BCKDHA: variants seen among roughly 807,000 people sequenced by gnomAD.
BCKDHA encodes the protein branched chain keto acid dehydrogenase E1 subunit alpha, also known as 2-oxoisovalerate dehydrogenase subunit alpha, mitochondrial.
BCKDHA carries 43 observed loss-of-function variants against 52.2 expected under a neutral mutation model. That is an observed-to-expected ratio of 0.82 (90% CI 0.64 to 1.06). The LOEUF is 1.06. BCKDHA is among the 50% of genes least tolerant of loss of function. The pLI is 0.00. For missense variants in BCKDHA, 527 were observed against 621.3 expected (o/e 0.85, Z 1.61); for synonymous variants, 234 against 247.9 (o/e 0.94, Z 0.53).
At chr19:41,421,458 G>GT (rs869210134) in intron 5 of BCKDHA, among the ~76,000 whole-genome samples, 15 of 20,164 alleles carry the variant, frequency 7.4e-4, no homozygotes, top group Admixed American at 2.9e-3. Context: ...GAGGATGTGA[G>GT]GGGGGAGCTG....
At chr19:41,405,086 G>T (rs998032800) in intron 1 of BCKDHA, among the ~76,000 whole-genome samples, 20 of 152,112 alleles carry the variant, frequency 1.3e-4, no homozygotes, top group African/African-American at 4.8e-4. Flanking sequence ...TGGAGCAAAT[G>T]TTCAGTATCT....
Position 41,411,018 on chromosome 19 carries a change from G to C in BCKDHA, c.375+9G>C. The C allele has an allele frequency of 6.2e-7, 1 of 1,613,872 alleles. No individual in the cohort carries two copies. Among genetic ancestry groups the C allele is most frequent in the East Asian group, 2.2e-5 (1 of 44,880 alleles). On this transcript the variant is annotated intron_variant, in intron 3 of 8. Coordinates refer to ENST00000269980, the MANE Select transcript of BCKDHA (RefSeq NM_000709.4). ...ATGAGTCTCAGCGGCAGGTGCGTGGGGACAGGACTAGGGGCGGGGGGCTGG... is the reference window on the plus strand; with the variant it reads ...ATGAGTCTCAGCGGCAGGTGCGTGGCGACAGGACTAGGGGCGGGGGGCTGG...
chr19:41,414,791 G>C (rs2039291609), intron 4 of BCKDHA, among the ~76,000 whole-genome samples: 1 of 152,172 alleles, frequency 6.6e-6, no homozygotes, highest in South Asian at 2.1e-4. Flanking sequence ...CAGGGAGCTT[G>C]TTGGTGTGGG....
At chr19:41,419,499 T>C (rs546844908) in intron 5 of BCKDHA, among the ~76,000 whole-genome samples, 1 of 152,322 alleles carries the variant, frequency 6.6e-6, no homozygotes, top group Non-Finnish European at 1.5e-5. Context: ...TAGAGTGCAG[T>C]GGTGCTATCG....
At chr19:41,412,535 C>T (rs1213136272) in intron 3 of BCKDHA, among the ~76,000 whole-genome samples, 1 of 151,332 alleles carries the variant, frequency 6.6e-6, no homozygotes, top group African/African-American at 2.4e-5. Context: ...TGCGCCACCA[C>T]ACCTGGCTAA....
At chr19:41,418,330 G>C (rs1407729640) in intron 4 of BCKDHA, among the ~76,000 whole-genome samples, 1 of 152,084 alleles carries the variant, frequency 6.6e-6, no homozygotes, top group Non-Finnish European at 1.5e-5. Flanking sequence ...GCTTGTCTGA[G>C]GGCAATCACA....
intron 1 of BCKDHA, chr19:41,399,928 G>A (rs1371596203): frequency 6.6e-6 from 1 of 152,152 alleles, no homozygotes; most frequent in Non-Finnish European, 1.5e-5. Flanking sequence ...TGGGATTACA[G>A]GCATGCACTA....
At chr19:41,422,592 A>G in intron 6 of BCKDHA, 37 bp from the exon 7 acceptor site, 1 of 1,612,778 alleles carries the variant, frequency 6.2e-7, no homozygotes, top group Non-Finnish European at 8.5e-7. Context: ...TCCTTATCTC[A>G]GCCCTGGCCT....
intron 3 of BCKDHA, among the ~76,000 whole-genome samples, chr19:41,412,123 G>A (rs2039260386): frequency 6.6e-6 from 1 of 152,140 alleles, no homozygotes; most frequent in Admixed American, 6.6e-5. Context: ...GGGCTGCCCA[G>A]AGCCCCAGCC....
At chr19:41,408,495 C>T (rs1221296117) in intron 1 of BCKDHA, among the ~76,000 whole-genome samples, 10 of 152,144 alleles carry the variant, frequency 6.6e-5, no homozygotes, top group Admixed American at 2.0e-4. Flanking sequence ...AGCTAAGAGT[C>T]CCAGTGGGTT....
intron 1 of BCKDHA, among the ~76,000 whole-genome samples, chr19:41,408,597 C>G (rs2039218936): frequency 6.6e-6 from 1 of 151,876 alleles, no homozygotes. Context: ...GATGTCCTTG[C>G]AGGACTCCTC....
chr19:41,412,471 C>T (rs1185746026), intron 3 of BCKDHA, among the ~76,000 whole-genome samples: 1 of 145,728 alleles, frequency 6.9e-6, no homozygotes, highest in Non-Finnish European at 1.5e-5. Context: ...CACCGCCTCC[C>T]TGGTTCAAGC....
intron 4 of BCKDHA, among the ~76,000 whole-genome samples, chr19:41,414,961 C>G (rs1441952988): frequency 6.6e-6 from 1 of 152,122 alleles, no homozygotes; most frequent in African/African-American, 2.4e-5. Flanking sequence ...CCCAAGACAG[C>G]TGTTGAGGGC....
In BCKDHA at chr19:41,424,504, G is replaced by A. The variant is rs398123490; in HGVS notation, c.1234G>A (p.Val412Met). ...CAACCCCAACCTACTCTTCTCAGACGTGTATCAGGAGATGCCCGCCCAGCT... is the reference window on the plus strand; with the variant it reads ...CAACCCCAACCTACTCTTCTCAGACATGTATCAGGAGATGCCCGCCCAGCT... ...KPNPNLLFSD[V>M]YQEMPAQLRK... Residue 412 changes from valine (V) to methionine (M), a missense_variant, in exon 9 of 9, where the codon GTG becomes ATG. Physicochemically the swap from Val to Met is conservative, Grantham distance 21 (BLOSUM62 1). Coordinates refer to ENST00000269980, the MANE Select transcript of BCKDHA (RefSeq NM_000709.4). 3.1e-6 allele frequency: 5 copies of A among 1,614,008 alleles called. No homozygotes were observed. The highest frequency in any genetic ancestry group is 1.1e-5 in the South Asian group (1 of 91,084).
chr19:41,399,637 GTTCT>G (rs1041209073), intron 1 of BCKDHA: 13 of 151,182 alleles, frequency 8.6e-5, no homozygotes, highest in African/African-American at 3.2e-4. Flanking sequence ...TCTCCCACCT[GTTCT>G]TTCTCTCTTC....
At chr19:41,403,799 C>T (rs2039163293) in intron 1 of BCKDHA, among the ~76,000 whole-genome samples, 3 of 152,212 alleles carry the variant, frequency 2.0e-5, no homozygotes, top group Non-Finnish European at 4.4e-5. Context: ...GAGACTGGCT[C>T]CTGTCCAAGG....
At chr19:41,404,608 A>G (rs1263292804) in intron 1 of BCKDHA, among the ~76,000 whole-genome samples, 1 of 138,530 alleles carries the variant, frequency 7.2e-6, no homozygotes, top group Non-Finnish European at 1.6e-5. Flanking sequence ...TTATTAATTT[A>G]TTTGAGATGG....
At chr19:41,408,484 G>A (rs1346677987) in intron 1 of BCKDHA, among the ~76,000 whole-genome samples, 1 of 152,146 alleles carries the variant, frequency 6.6e-6, no homozygotes, top group Non-Finnish European at 1.5e-5. Context: ...CCTAGCTCCA[G>A]AGCTAAGAGT....
chr19:41,420,345 C>T (rs1217185111), intron 5 of BCKDHA, among the ~76,000 whole-genome samples: 1 of 152,066 alleles, frequency 6.6e-6, no homozygotes, highest in Non-Finnish European at 1.5e-5. Flanking sequence ...GAGCAGGATG[C>T]CCGTGTTTTG....
Sources: allele counts gnomAD v4.1 joint callset (sites outside exome capture counted in the v4.1 genomes callset), GRCh38; gene constraint gnomAD v4.1.1; transcripts MANE v1.5; gene names NCBI Gene and HGNC (gene_info 2026-07-23, HGNC 2026-07-21).